POLD3: variants seen among roughly 807,000 people sequenced by gnomAD.
POLD3 encodes DNA polymerase delta subunit 3.
In POLD3, 19 loss-of-function variants were observed where a neutral mutation model predicts 58.2. The observed-to-expected ratio is 0.33, with a 90% CI of 0.23 to 0.48. The LOEUF (loss-of-function observed/expected upper bound fraction) is 0.48, where lower values mean the gene tolerates loss of function less well. Ranked by LOEUF, POLD3 falls within the 20% of genes least tolerant of loss-of-function variation. The probability of loss-of-function intolerance (pLI) is 0.99; values close to 1 mark genes in which losing one functional copy is unlikely to be tolerated. For missense variants in POLD3, 504 were observed against 545.5 expected (o/e 0.92, Z 0.76); for synonymous variants, 172 against 193.5 (o/e 0.89, Z 0.92).
At chr11:74,667,810 A>G (rs557603900) in intron 4 of POLD3, among the ~76,000 whole-genome samples, 14 of 152,238 alleles carry the variant, frequency 9.2e-5, no homozygotes, top group African/African-American at 2.2e-4. Flanking sequence ...ATATTTGCAA[A>G]TCATTTTTCT....
At chr11:74,629,883 T>A (rs1052838260) in intron 9 of POLD3, among the ~76,000 whole-genome samples, 1 of 152,126 alleles carries the variant, frequency 6.6e-6, no homozygotes, top group Non-Finnish European at 1.5e-5. Flanking sequence ...AGAGCCAAGA[T>A]CTTGCCCCAA....
chr11:74,611,023 C>T (rs999951056), intron 3 of POLD3, among the ~76,000 whole-genome samples: 1 of 152,212 alleles, frequency 6.6e-6, no homozygotes, highest in Admixed American at 6.5e-5. Flanking sequence ...GATCCACCCA[C>T]TTCGGCCTCC....
At position 74,640,801 on chromosome 11, in the gene POLD3, G is replaced by A. The variant is rs778068212; in HGVS notation, c.*35G>A. Reference sequence around the variant, plus strand: ...TCTGGTAGATCAGAGACTTGGAGTGGTCAAGGGAGAAGACCAAGAAATGTA... The same window carrying A: ...TCTGGTAGATCAGAGACTTGGAGTGATCAAGGGAGAAGACCAAGAAATGTA... On this transcript the variant is annotated 3_prime_UTR_variant, in exon 12 of 12. Transcript: ENST00000263681. The A allele has an allele frequency of 3.2e-5, 48 of 1,506,856 alleles. No individual in the cohort carries two copies. In the Middle Eastern group the frequency reaches 1.0e-3, roughly 33 times the overall value. 93.3% of individuals were successfully genotyped at this position (1,506,856 alleles called of 1,614,324 possible).
In POLD3 at chr11:74,632,877, T is replaced by TATACACACACACACACAC. The variant is rs1263669028; in HGVS notation, c.1007-1705_1007-1704insTACACACACACACACACA. Among the ~76,000 whole-genome samples the TATACACACACACACACAC allele has an allele frequency of 4.3e-5, 5 of 115,730 alleles. 1 individual carries two copies. Among genetic ancestry groups the TATACACACACACACACAC allele is most frequent in the African/African-American group, 2.1e-4 (5 of 23,264 alleles). The allele number at this position is 115,730 out of a possible 152,430, so 75.9% of individuals were successfully genotyped here. ...GGTGGTTTTCCTTTATTTAAGTAAA[T>TATACACACACACACACAC]ACACACACACACACACACACACACA... On this transcript the variant is annotated intron_variant, in intron 9 of 11. Transcript: ENST00000263681.
rs2031622719 is a variant in POLD3 at position 74,604,857 on chromosome 11, T to C, written c.219+63T>C. ...TTGTGTTATGAAGAGTGTTATAACA[T>C]AGTTCAGGGGAGAGAAAAAAATCAA... On this transcript the variant is annotated intron_variant, in intron 3 of 11. Coordinates refer to ENST00000263681, the MANE Select transcript of POLD3 (RefSeq NM_006591.3). 6.8e-6 allele frequency: 6 copies of C among 885,964 alleles called. No individual in the cohort carries two copies. The South Asian group carries it at 8.2e-5, about 12-fold the overall frequency. 54.9% of individuals were successfully genotyped at this position (885,964 alleles called of 1,614,324 possible). A position where few individuals can be genotyped will look rare whatever the true frequency, so the allele number is the denominator to read the frequency against.
rs369270914 is a variant in POLD3 at position 74,592,653 on chromosome 11, C to T, written c.-6C>T. The stretch of plus-strand genomic sequence containing the variant: ...GGTTAGAGGCGGGTCCCAGCGCTGC[C>T]GCACCATGGCGGACCAGCTTTATCT... On this transcript the variant is annotated 5_prime_UTR_variant, in exon 1 of 12. Transcript: ENST00000263681. The T allele has an allele frequency of 6.2e-7, 1 of 1,610,456 alleles. No individual in the cohort carries two copies. The highest frequency in any genetic ancestry group is 2.2e-5 in the East Asian group (1 of 44,620).
intron 4 of POLD3, among the ~76,000 whole-genome samples, chr11:74,664,221 A>T (rs556814878): frequency 6.6e-6 from 1 of 152,296 alleles, no homozygotes; most frequent in East Asian, 1.9e-4. Context: ...TTGGTCTGGA[A>T]CTTTCTCATA....
chr11:74,631,715 C>G (rs1415838683), intron 9 of POLD3, among the ~76,000 whole-genome samples: 1 of 151,924 alleles, frequency 6.6e-6, no homozygotes, highest in East Asian at 1.9e-4. Flanking sequence ...AACTCCTGAC[C>G]CCGTGATCCA....
At position 74,636,214 on chromosome 11, in the gene POLD3, CAAAA is replaced by C. The variant is rs778041605; in HGVS notation, c.1138_1141del (p.Lys380GlufsTer7). The C allele has an allele frequency of 1.4e-5, 22 of 1,609,718 alleles. No individual in the cohort carries two copies. Among genetic ancestry groups the C allele is most frequent in the Non-Finnish European group, 8.5e-7 (1 of 1,176,208 alleles). On this transcript the variant is annotated frameshift_variant, in exon 11 of 12. Transcript: ENST00000263681. LOFTEE classifies it high-confidence loss of function. ...CCTTTTAGAGCTCAAGTGGAGAAAA[CAAAA>C]GAAAACGAAAACGCGTACTAAAATC...
intron 2 of POLD3, among the ~76,000 whole-genome samples, chr11:74,597,548 C>G (rs992429605): frequency 4.6e-5 from 7 of 152,182 alleles, no homozygotes; most frequent in Non-Finnish European, 8.8e-5. Context: ...GCAACTTCAG[C>G]CTCCCAGGCT....
downstream of POLD3, among the ~76,000 whole-genome samples, chr11:74,644,447 G>A (rs968882893): frequency 1.3e-5 from 2 of 152,176 alleles, no homozygotes; most frequent in African/African-American, 4.8e-5. Context: ...AGCCCATGCT[G>A]TCACCATGCC....
chr11:74,650,872 A>G (rs1385784432), intron 4 of POLD3, among the ~76,000 whole-genome samples: 2 of 152,284 alleles, frequency 1.3e-5, no homozygotes, highest in East Asian at 3.9e-4. Context: ...GCTCTTCTTC[A>G]TGGACAGCAT....
chr11:74,645,338 G>T (rs1381172668), downstream of POLD3, among the ~76,000 whole-genome samples: 2 of 152,200 alleles, frequency 1.3e-5, no homozygotes, highest in African/African-American at 2.4e-5. Flanking sequence ...TATTTCTGTT[G>T]TGCTTTAAGC....
chr11:74,632,202 T>C (rs1178266555), intron 9 of POLD3, among the ~76,000 whole-genome samples: 1 of 152,226 alleles, frequency 6.6e-6, no homozygotes, highest in Non-Finnish European at 1.5e-5. Context: ...CCTAGGAAGC[T>C]GTGAATGGTT....
At chr11:74,626,881 A>G (rs2032447836) in intron 8 of POLD3, among the ~76,000 whole-genome samples, 1 of 152,124 alleles carries the variant, frequency 6.6e-6, no homozygotes, top group Non-Finnish European at 1.5e-5. Context: ...AGCGCAACAC[A>G]TTCCTCACGT....
chr11:74,595,027 CA>C (rs2031179334), intron 2 of POLD3: 1 of 152,222 alleles, frequency 6.6e-6, no homozygotes, highest in Non-Finnish European at 1.5e-5. Flanking sequence ...CTGTATTTAA[CA>C]TTTTGAGGAA....
intron 4 of POLD3, among the ~76,000 whole-genome samples, chr11:74,649,735 C>T (rs1479957053): frequency 6.6e-6 from 1 of 152,070 alleles, no homozygotes; most frequent in Non-Finnish European, 1.5e-5. Context: ...TGGCCACGTG[C>T]GGTGGTTCAT....
intron 1 of POLD3, chr11:74,592,942 T>G (rs1186001209): frequency 1.7e-5 from 24 of 1,399,852 alleles, no homozygotes; most frequent in Non-Finnish European, 2.2e-5. Context: ...GTGGGCGTGC[T>G]GGGAACAGAG....
downstream of POLD3, among the ~76,000 whole-genome samples, chr11:74,644,868 A>C (rs1030789566): frequency 1.3e-5 from 2 of 152,128 alleles, no homozygotes; most frequent in South Asian, 4.2e-4. Context: ...AGGCTTTCTC[A>C]AGGCTCTTCA....
Sources: gnomAD v4.1 joint callset for allele counts (sites outside exome capture counted in the v4.1 genomes callset) on GRCh38, gnomAD v4.1.1 for gene constraint, MANE v1.5 for transcripts, NCBI Gene and HGNC (gene_info 2026-07-23, HGNC 2026-07-21) for gene names.